Variants in PLA2G5 observed in about 807,000 individuals in gnomAD.
PLA2G5 encodes the protein Ca2+-dependent phospholipase A2.
In PLA2G5, 12 loss-of-function variants were observed where a neutral mutation model predicts 15.9. The observed-to-expected ratio is 0.76, with a 90% confidence interval of 0.48 to 1.23. The LOEUF (loss-of-function observed/expected upper bound fraction) is 1.23, where lower values mean the gene tolerates loss of function less well. PLA2G5 is among the 50% of genes most tolerant of loss of function. The pLI is 0.00. For synonymous variants in PLA2G5, 71 were observed against 71.4 expected (o/e 0.99, Z 0.03); for missense variants, 169 against 177.1 (o/e 0.95, Z 0.26).
At chr1:20,053,060 C>A (rs2014254448) in intron 1 of PLA2G5, among the ~76,000 whole-genome samples, 1 of 152,126 alleles carries the variant, frequency 6.6e-6, no homozygotes. Flanking sequence ...TGTATAAAAC[C>A]AAACTGTGCT....
At position 20,090,691 on chromosome 1, in the gene PLA2G5, A is replaced by G. The variant is rs1200301817; in HGVS notation, c.416A>G (p.Ter139TrpextTer22). 1 of 1,614,054 alleles carries G rather than the reference A, an allele frequency of 6.2e-7. No individual in the cohort carries two copies. The highest frequency in any genetic ancestry group is 2.2e-5 in the East Asian group (1 of 44,890). The change falls in exon 5 of 5, where the codon TAG (stop) becomes TGG (tryptophan). Residue 139 changes from the stop codon to tryptophan, a stop_lost. Transcript: ENST00000375108. ...YQYFPNILCS[*>W] ...TACTTTCCCAACATCCTCTGCTCCT[A>G]GGCCTCCCCAGCGAGCTCCTCCCAG...
At chr1:20,032,518 A>G (rs1557720592) in intron 1 of PLA2G5, among the ~76,000 whole-genome samples, 6 of 152,106 alleles carry the variant, frequency 3.9e-5, no homozygotes. Context: ...TGTGTGGGGA[A>G]AGGAGGTGGT....
rs2100656040 is a variant in PLA2G5 at position 20,090,993 on chromosome 1, C to G, written c.*301C>G. 1 of 295,520 alleles carries G rather than the reference C, an allele frequency of 3.4e-6. No homozygotes were observed. The highest frequency in any genetic ancestry group is 2.1e-5 in the African/African-American group (1 of 46,680). 18.3% of individuals were successfully genotyped at this position (295,520 alleles called of 1,614,324 possible). ...CTGTGTCTCTTTTCTTCTCTGAAGA[C>G]AGCGTCCTGGCTCCAGTTGGAACAC... On this transcript the variant is annotated 3_prime_UTR_variant, in exon 5 of 5. Transcript: ENST00000375108.
At chr1:20,049,164 G>C (rs986202125) in intron 1 of PLA2G5, among the ~76,000 whole-genome samples, 1 of 152,084 alleles carries the variant, frequency 6.6e-6, no homozygotes, top group African/African-American at 2.4e-5. Context: ...GGTAAATTTA[G>C]TCCTAGAATA....
intron 1 of PLA2G5, among the ~76,000 whole-genome samples, chr1:20,037,356 G>A (rs2100308147): frequency 6.6e-6 from 1 of 152,298 alleles, no homozygotes; most frequent in Non-Finnish European, 1.5e-5. Flanking sequence ...CAGAGCTCCT[G>A]GGCTGTGGGC....
At chr1:20,074,303 C>G (rs1380078979) in intron 1 of PLA2G5, among the ~76,000 whole-genome samples, 4 of 152,146 alleles carry the variant, frequency 2.6e-5, no homozygotes, top group Admixed American at 2.6e-4. Context: ...AACATATCTG[C>G]ACACGACTCT....
At chr1:20,068,322 C>A (rs1035149089), upstream of PLA2G5, among the ~76,000 whole-genome samples, 1 of 151,914 alleles carries the variant, frequency 6.6e-6, no homozygotes, top group Non-Finnish European at 1.5e-5. Flanking sequence ...AAATTTAGAA[C>A]CAATAGGAGA....
At chr1:20,071,315 T>C (rs1184695595) in intron 1 of PLA2G5, among the ~76,000 whole-genome samples, 1 of 152,216 alleles carries the variant, frequency 6.6e-6, no homozygotes, top group Non-Finnish European at 1.5e-5. Context: ...GGATCCAATC[T>C]GTGCCATGCA....
intron 2 of PLA2G5, among the ~76,000 whole-genome samples, chr1:20,064,836 A>G (rs2014934241): frequency 6.6e-6 from 1 of 152,162 alleles, no homozygotes; most frequent in Non-Finnish European, 1.5e-5. Flanking sequence ...ACCATGTACC[A>G]GCTCCATGGG....
At chr1:20,077,035 T>A (rs944757843) in intron 1 of PLA2G5, 3 of 152,258 alleles carry the variant, frequency 2.0e-5, no homozygotes, top group African/African-American at 7.2e-5. Context: ...CGAGCCTGCA[T>A]GTGATAGACC....
At chr1:20,039,189 T>C (rs1350230363) in intron 1 of PLA2G5, among the ~76,000 whole-genome samples, 1 of 152,228 alleles carries the variant, frequency 6.6e-6, no homozygotes, top group Non-Finnish European at 1.5e-5. Context: ...GAATTGTAGC[T>C]GTGATTTTGC....
intron 1 of PLA2G5, among the ~76,000 whole-genome samples, chr1:20,078,562 A>G (rs144875425): frequency 2.0e-5 from 3 of 152,268 alleles, no homozygotes; most frequent in African/African-American, 7.2e-5. Flanking sequence ...CACCAGCCAC[A>G]AGGGCAGCTC....
At chr1:20,065,365 C>CA (rs2014963793), upstream of PLA2G5, among the ~76,000 whole-genome samples, 1 of 152,190 alleles carries the variant, frequency 6.6e-6, no homozygotes, top group Admixed American at 6.6e-5. Flanking sequence ...TATCCACCAT[C>CA]ACCATATCCT....
At position 20,070,336 on chromosome 1, in the gene PLA2G5, C is replaced by T. The variant is rs2015292529; in HGVS notation, c.-140C>T. On this transcript the variant is annotated 5_prime_UTR_variant, in exon 1 of 5. Coordinates refer to ENST00000375108, the MANE Select transcript of PLA2G5 (RefSeq NM_000929.3). ...CCAAGAATTTGACTCCCCCCGGATC[C>T]ATGGTCTGTGGATACCAATGTTCCG... 1 of 985,432 alleles carries T rather than the reference C, an allele frequency of 1.0e-6. No homozygotes were observed. The highest frequency in any genetic ancestry group is 1.1e-4 in the East Asian group (1 of 8,830). The allele number at this position is 985,432 out of a possible 1,614,324, so 61.0% of individuals were successfully genotyped here. A position where few individuals can be genotyped will look rare whatever the true frequency, so the allele number is the denominator to read the frequency against.
intron 1 of PLA2G5, among the ~76,000 whole-genome samples, chr1:20,048,451 C>A (rs540728399): frequency 7.2e-5 from 11 of 152,102 alleles, no homozygotes; most frequent in Non-Finnish European, 1.0e-4. Context: ...TGTGTAATTT[C>A]TAATAAATAA....
At chr1:20,044,346 G>T (rs970141810) in intron 1 of PLA2G5, among the ~76,000 whole-genome samples, 7 of 148,978 alleles carry the variant, frequency 4.7e-5, no homozygotes, top group Non-Finnish European at 1.0e-4. Flanking sequence ...CACCTTGAAG[G>T]CAAGGATGAT....
intron 1 of PLA2G5, 102 bp from the exon 2 acceptor site, chr1:20,084,719 G>A (rs2016196456): frequency 2.5e-6 from 2 of 786,828 alleles, no homozygotes; most frequent in Non-Finnish European, 4.6e-6. Context: ...CCATGACGGG[G>A]AGTGGAATAG....
chr1:20,084,978 CG>C (rs1292969732), intron 2 of PLA2G5, 108 bp downstream of exon 2: 2 of 809,670 alleles, frequency 2.5e-6, no homozygotes, highest in Non-Finnish European at 4.4e-6. Context: ...GTTTGAATCT[CG>C]GCTCTGCACT....
upstream of PLA2G5, chr1:20,069,059 C>A: frequency 1.8e-6 from 1 of 569,430 alleles, no homozygotes; most frequent in Non-Finnish European, 3.0e-6. Flanking sequence ...TCAGTTGCAC[C>A]AACAGCTAGG....
Sources: allele counts gnomAD v4.1 joint callset (sites outside exome capture counted in the v4.1 genomes callset), GRCh38; gene constraint gnomAD v4.1.1; transcripts MANE v1.5; gene names NCBI Gene and HGNC (gene_info 2026-07-23, HGNC 2026-07-21).